Variants in CNTN4 observed in about 807,000 individuals in gnomAD.
CNTN4 encodes contactin-4.
CNTN4 carries 77 observed loss-of-function variants against 122.5 expected under a neutral mutation model. The observed-to-expected ratio is 0.63, with a 90% confidence interval of 0.52 to 0.76. The LOEUF is 0.76. CNTN4 is among the 30% of genes least tolerant of loss of function. CNTN4 has a pLI of 0.00. For missense variants in CNTN4, 1,256 were observed against 1,259.1 expected (o/e 1.00, Z 0.04); for synonymous variants, 512 against 447.0 (o/e 1.15, Z -1.83).
intron 12 of CNTN4, among the ~76,000 whole-genome samples, chr3:2,925,165 C>G (rs2094461541): frequency 6.6e-6 from 1 of 152,158 alleles, no homozygotes; most frequent in African/African-American, 2.4e-5. Context: ...AATTATACCT[C>G]AAAGTTTACT....
intron 3 of CNTN4, among the ~76,000 whole-genome samples, chr3:2,369,580 C>G (rs1463032287): frequency 1.3e-5 from 2 of 152,104 alleles, no homozygotes; most frequent in Non-Finnish European, 2.9e-5. Context: ...AGGATGCCCC[C>G]CATCACACAT....
intron 3 of CNTN4, among the ~76,000 whole-genome samples, chr3:2,386,218 C>CT (rs1263717694): frequency 6.6e-6 from 1 of 152,116 alleles, no homozygotes; most frequent in African/African-American, 2.4e-5. Flanking sequence ...AATTCAAACT[C>CT]TGAATTCAAA....
chr3:2,885,438 G>A (rs1380532538), intron 9 of CNTN4, among the ~76,000 whole-genome samples: 3 of 152,148 alleles, frequency 2.0e-5, no homozygotes, highest in African/African-American at 7.2e-5. Context: ...CTGTAAGTTG[G>A]TAAGGTTCTC....
intron 19 of CNTN4, 151 bp downstream of exon 19, chr3:3,039,154 G>A: frequency 1.4e-6 from 1 of 715,564 alleles, no homozygotes; most frequent in Non-Finnish European, 2.5e-6. Flanking sequence ...GTAGCTAATG[G>A]CTAGCAGGAA....
intron 2 of CNTN4, among the ~76,000 whole-genome samples, chr3:2,197,201 ACTGGCC>A (rs1390135009): frequency 3.3e-5 from 5 of 152,114 alleles, no homozygotes; most frequent in Admixed American, 6.5e-5. Flanking sequence ...TCTTCTCCAT[ACTGGCC>A]CTGGGCCTCT....
rs2094666746 is a variant in CNTN4 at position 2,945,503 on chromosome 3, A to G, written c.1358+19724A>G. ...GAATTCCCTTTTTCCTTTTCCACAG[A>G]CACTCTCTCTTAAAATGTCTGGGCA... On this transcript the variant is annotated intron_variant, in intron 13 of 24. Transcript: ENST00000418658. 2.0e-5 allele frequency among the ~76,000 whole-genome samples: 3 copies of G among 151,998 alleles called. No homozygotes were observed. In the South Asian group the frequency reaches 6.2e-4, roughly 32 times the overall value.
chr3:2,378,516 A>G (rs751166682), intron 3 of CNTN4, among the ~76,000 whole-genome samples: 17 of 152,150 alleles, frequency 1.1e-4, no homozygotes, highest in African/African-American at 3.9e-4. Context: ...ACAGGTAGCA[A>G]TCTCTGCTAC....
chr3:2,414,410 A>G (rs779287665), intron 3 of CNTN4, among the ~76,000 whole-genome samples: 4 of 152,216 alleles, frequency 2.6e-5, no homozygotes, highest in African/African-American at 4.8e-5. Flanking sequence ...TAAAAATGCC[A>G]TTTTAAAAGA....
intron 3 of CNTN4, among the ~76,000 whole-genome samples, chr3:2,558,550 A>G (rs942078449): frequency 6.6e-6 from 1 of 152,016 alleles, no homozygotes; most frequent in Non-Finnish European, 1.5e-5. Flanking sequence ...AGTGCACCCT[A>G]TCAAAGGGCA....
chr3:2,766,744 A>G (rs927127459), intron 6 of CNTN4, among the ~76,000 whole-genome samples: 3 of 152,178 alleles, frequency 2.0e-5, no homozygotes, highest in African/African-American at 7.2e-5. Context: ...AATCCTATGG[A>G]AATAAAAAAT....
intron 3 of CNTN4, among the ~76,000 whole-genome samples, chr3:2,564,243 G>A (rs1261222185): frequency 2.0e-5 from 3 of 152,106 alleles, no homozygotes; most frequent in African/African-American, 7.2e-5. Context: ...CTATGTTCAA[G>A]CATTCCTTTA....
chr3:2,334,555 G>A (rs2043867148), intron 2 of CNTN4, among the ~76,000 whole-genome samples: 1 of 94,580 alleles, frequency 1.1e-5, no homozygotes, highest in African/African-American at 3.4e-5. Context: ...ACTTGGTTGA[G>A]TTCATGCAGC....
chr3:2,401,380 T>C (rs2150968876), intron 3 of CNTN4, among the ~76,000 whole-genome samples: 1 of 152,264 alleles, frequency 6.6e-6, no homozygotes, highest in South Asian at 2.1e-4. Flanking sequence ...ATCGATCTAC[T>C]CGTCCCTGCT....
chr3:2,407,966 A>T (rs2047099693), intron 3 of CNTN4, among the ~76,000 whole-genome samples: 1 of 152,182 alleles, frequency 6.6e-6, no homozygotes, highest in African/African-American at 2.4e-5. Flanking sequence ...CTTGTGACAT[A>T]TTTATTTAAA....
At chr3:2,869,305 G>A (rs1423854478) in intron 8 of CNTN4, among the ~76,000 whole-genome samples, 1 of 152,102 alleles carries the variant, frequency 6.6e-6, no homozygotes, top group Non-Finnish European at 1.5e-5. Flanking sequence ...AATTAATTCA[G>A]TTGGGAAATG....
rs139358679 is a variant in CNTN4, at chr3:2,887,261, A to G, written c.940+37A>G. On this transcript the variant is annotated intron_variant, in intron 10 of 24. Transcript: ENST00000418658. ...ATTTCAGTTTATCATTTATAGTGCT[A>G]CAGAACTTCCTGATATTGAAATCAT... The G allele has an allele frequency of 2.6e-4, 413 of 1,577,590 alleles. 6 individuals are homozygous for G. The African/African-American group carries it at 4.4e-3, about 17-fold the overall frequency.
intron 3 of CNTN4, among the ~76,000 whole-genome samples, chr3:2,486,626 C>T (rs1040767542): frequency 6.6e-6 from 1 of 152,172 alleles, no homozygotes; most frequent in Non-Finnish European, 1.5e-5. Context: ...AAAAACCCAA[C>T]TTAAAAATGA....
intron 4 of CNTN4, among the ~76,000 whole-genome samples, chr3:2,728,764 T>C (rs539386979): frequency 1.3e-5 from 2 of 152,200 alleles, no homozygotes; most frequent in South Asian, 4.1e-4. Context: ...CTGGCTGGTA[T>C]TCTAAGCTTC....
At chr3:2,527,409 A>ATGCTGCTGCTGCTGCTGCTGC (rs34099392) in intron 3 of CNTN4, among the ~76,000 whole-genome samples, 13 of 150,026 alleles carry the variant, frequency 8.7e-5, no homozygotes, top group South Asian at 2.1e-4. Flanking sequence ...GGAACAATGT[A>ATGCTGCTGCTGCTGCTGCTGC]TGCTGCTGCT....
Sources: gnomAD v4.1 joint callset for allele counts (sites outside exome capture counted in the v4.1 genomes callset) on GRCh38, gnomAD v4.1.1 for gene constraint, MANE v1.5 for transcripts, NCBI Gene and HGNC (gene_info 2026-07-23, HGNC 2026-07-21) for gene names.